ABCC4: variants seen among roughly 807,000 people sequenced by gnomAD.
The protein encoded by ABCC4 is ATP-binding cassette sub-family C member 4.
Under a neutral mutation model 168.5 loss-of-function variants are expected in ABCC4, and 102 were observed. The observed-to-expected ratio is 0.61, with a 90% CI of 0.52 to 0.71. The LOEUF is 0.71. Ranked by LOEUF, ABCC4 falls within the 30% of genes least tolerant of loss-of-function variation. The pLI, the probability that ABCC4 is intolerant of heterozygous loss-of-function variation, is 0.00. For synonymous variants in ABCC4, 617 were observed against 590.7 expected (o/e 1.04, Z -0.65); for missense variants, 1,402 against 1,605.8 (o/e 0.87, Z 2.17).
chr13:95,299,079 G>A (rs1396277998), intron 1 of ABCC4, among the ~76,000 whole-genome samples: 1 of 151,680 alleles, frequency 6.6e-6, no homozygotes, highest in Admixed American at 6.6e-5. Context: ...AACATAGAGA[G>A]CCCTATCTCT....
At chr13:95,046,635 G>C (rs73555589) in intron 27 of ABCC4, among the ~76,000 whole-genome samples, 6,302 of 152,146 alleles carry the variant, frequency 0.041, 453 homozygotes, top group African/African-American at 0.14. Context: ...GGGCATGGTG[G>C]CGGGCACTTG....
chr13:95,247,599 A>G (rs773770266), intron 2 of ABCC4, 44 bp downstream of exon 2: 9 of 1,481,122 alleles, frequency 6.1e-6, no homozygotes, highest in Non-Finnish European at 1.9e-6. Context: ...CCACACACAG[A>G]CACCCACGCT....
At chr13:95,086,973 G>A (rs2034278307) in intron 20 of ABCC4, among the ~76,000 whole-genome samples, 1 of 152,130 alleles carries the variant, frequency 6.6e-6, no homozygotes, top group Middle Eastern at 3.2e-3. Context: ...GTTCTAAGCT[G>A]TGATAAGTAC....
At chr13:95,276,066 T>TA (rs1251061379) in intron 1 of ABCC4, among the ~76,000 whole-genome samples, 1 of 152,020 alleles carries the variant, frequency 6.6e-6, no homozygotes, top group Non-Finnish European at 1.5e-5. Context: ...GCTTACTTGG[T>TA]AGGAAATAAA....
chr13:95,107,332 T>C (rs2035043684), intron 20 of ABCC4, among the ~76,000 whole-genome samples: 1 of 152,148 alleles, frequency 6.6e-6, no homozygotes, highest in Admixed American at 6.5e-5. Context: ...AATTAAACCA[T>C]GAGGTGTTTT....
At chr13:95,169,838 G>A (rs1274346921) in intron 14 of ABCC4, among the ~76,000 whole-genome samples, 2 of 152,102 alleles carry the variant, frequency 1.3e-5, no homozygotes, top group Non-Finnish European at 2.9e-5. Context: ...CAACTGTGTT[G>A]CTGCTATTAT....
chr13:95,027,235 G>A (rs989589715), intron 30 of ABCC4, among the ~76,000 whole-genome samples: 16 of 151,976 alleles, frequency 1.1e-4, no homozygotes, highest in Middle Eastern at 3.4e-3. Context: ...CCTTTGAGAT[G>A]GTATAGAGCA....
At chr13:95,038,098 CT>C (rs1409189768) in intron 29 of ABCC4, among the ~76,000 whole-genome samples, 12 of 152,034 alleles carry the variant, frequency 7.9e-5, no homozygotes, top group African/African-American at 2.9e-4. Flanking sequence ...CAAAGCGATC[CT>C]CCCACCTTGG....
chr13:95,287,843 C>T (rs546846832), intron 1 of ABCC4, among the ~76,000 whole-genome samples: 1 of 151,964 alleles, frequency 6.6e-6, no homozygotes, highest in Non-Finnish European at 1.5e-5. Context: ...GAGATCAAGA[C>T]CATCCTGGCT....
At chr13:95,117,885 C>A (rs2035433969) in intron 19 of ABCC4, among the ~76,000 whole-genome samples, 1 of 151,582 alleles carries the variant, frequency 6.6e-6, no homozygotes, top group East Asian at 1.9e-4. Flanking sequence ...TCAAGACCAG[C>A]CTGAGCAACA....
chr13:95,188,654 T>A, intron 9 of ABCC4, 112 bp from the exon 10 acceptor site: 2 of 805,230 alleles, frequency 2.5e-6, no homozygotes, highest in East Asian at 5.4e-5. Context: ...AACCCAAATC[T>A]TTCTCCTTCC....
intron 3 of ABCC4, among the ~76,000 whole-genome samples, chr13:95,245,290 G>A (rs569120786): frequency 2.6e-5 from 4 of 152,306 alleles, no homozygotes; most frequent in Admixed American, 6.5e-5. Context: ...GGCATGCCTC[G>A]AAACCTATGT....
At chr13:95,205,068 A>G (rs1186337764) in intron 8 of ABCC4, among the ~76,000 whole-genome samples, 1 of 152,250 alleles carries the variant, frequency 6.6e-6, no homozygotes, top group East Asian at 1.9e-4. Context: ...GCTACATGAA[A>G]AAAGTGTTAC....
intron 4 of ABCC4, among the ~76,000 whole-genome samples, chr13:95,229,740 T>C (rs1383230773): frequency 1.3e-5 from 2 of 152,190 alleles, no homozygotes; most frequent in Admixed American, 6.5e-5. Context: ...TTCAGATGTT[T>C]AGCATTCAGG....
chr13:95,241,845 G>A (rs2039952554), intron 3 of ABCC4, among the ~76,000 whole-genome samples: 1 of 152,138 alleles, frequency 6.6e-6, no homozygotes, highest in African/African-American at 2.4e-5. Flanking sequence ...CCCAGGGAAG[G>A]CCCTGCTTGC....
At chr13:95,053,400 A>C (rs1034976664) in intron 26 of ABCC4, among the ~76,000 whole-genome samples, 2 of 152,164 alleles carry the variant, frequency 1.3e-5, no homozygotes. Context: ...CACTAACAAA[A>C]CTGTTGCAAT....
intron 1 of ABCC4, among the ~76,000 whole-genome samples, chr13:95,250,840 C>T (rs1422496219): frequency 6.9e-6 from 1 of 145,294 alleles, no homozygotes; most frequent in East Asian, 2.1e-4. Context: ...GCGATCAGAG[C>T]TCACTCAGAT....
intron 1 of ABCC4, among the ~76,000 whole-genome samples, chr13:95,283,155 G>A (rs2041169712): frequency 6.6e-6 from 1 of 150,928 alleles, no homozygotes; most frequent in South Asian, 2.1e-4. Flanking sequence ...GGCGGAGGCT[G>A]CAGTGAGCTG....
chr13:95,213,626 A>G (rs2039024897), intron 4 of ABCC4, among the ~76,000 whole-genome samples: 1 of 40,286 alleles, frequency 2.5e-5, no homozygotes. Flanking sequence ...GGAAATCTCC[A>G]CTGGGCCTCA....
Sources: gnomAD v4.1 joint callset for allele counts (sites outside exome capture counted in the v4.1 genomes callset) on GRCh38, gnomAD v4.1.1 for gene constraint, MANE v1.5 for transcripts, NCBI Gene and HGNC (gene_info 2026-07-23, HGNC 2026-07-21) for gene names.